Variants in PAPOLG observed in about 807,000 individuals in gnomAD.
PAPOLG encodes poly(A) polymerase gamma, also known as PAP-gamma.
In PAPOLG, 40 loss-of-function variants were observed where a neutral mutation model predicts 99.0. That is an observed-to-expected ratio of 0.40 (90% CI 0.31 to 0.53). PAPOLG has a LOEUF of 0.53. Among genes scored for constraint, PAPOLG ranks in the 20% least tolerant of loss-of-function variants. The probability of loss-of-function intolerance (pLI) is 0.41; values close to 1 mark genes in which losing one functional copy is unlikely to be tolerated. For synonymous variants in PAPOLG, 310 were observed against 299.3 expected (o/e 1.04, Z -0.37); for missense variants, 675 against 884.1 (o/e 0.76, Z 3.00).
chr2:60,778,837 G>A (rs1292891359), intron 8 of PAPOLG, among the ~76,000 whole-genome samples: 1 of 152,124 alleles, frequency 6.6e-6, no homozygotes, highest in Non-Finnish European at 1.5e-5. Flanking sequence ...TCAGTTAGAT[G>A]CATATTTTTC....
intron 8 of PAPOLG, among the ~76,000 whole-genome samples, chr2:60,776,493 TCTC>T (rs1671025852): frequency 6.9e-6 from 1 of 145,702 alleles, no homozygotes; most frequent in South Asian, 2.2e-4. Context: ...AGTGGCGCGA[TCTC>T]AGCTCACGGC....
At chr2:60,767,436 C>T (rs1399754596) in intron 3 of PAPOLG, among the ~76,000 whole-genome samples, 1 of 151,028 alleles carries the variant, frequency 6.6e-6, no homozygotes, top group Non-Finnish European at 1.5e-5. Flanking sequence ...TCCTCAGTAG[C>T]TGAGACTACA....
Position 60,756,300 on chromosome 2 carries a change from A to G in PAPOLG, c.-179A>G, listed in dbSNP as rs1023791761. ...TCGGCCGCGCTGTATTGTCATAAAT[A>G]GAGCCGGTTTTGTGGTGTTTTCACT... is the stretch of plus-strand genomic sequence containing the variant. On this transcript the variant is annotated 5_prime_UTR_variant, in exon 1 of 22. In the 5' UTR this introduces an upstream ATG that the reference lacks. Transcript: ENST00000238714. 4.3e-5 allele frequency: 32 copies of G among 737,510 alleles called. No homozygotes were observed. The highest frequency in any genetic ancestry group is 7.6e-5 in the Non-Finnish European group (32 of 423,438). 45.7% of individuals were successfully genotyped at this position (737,510 alleles called of 1,614,324 possible).
At chr2:60,773,253 A>G (rs1006792279) in intron 7 of PAPOLG, among the ~76,000 whole-genome samples, 19 of 152,130 alleles carry the variant, frequency 1.2e-4, no homozygotes, top group African/African-American at 3.9e-4. Context: ...ACTACAATCC[A>G]ATGTTAGAAT....
intron 3 of PAPOLG, among the ~76,000 whole-genome samples, chr2:60,767,218 T>A (rs1457212779): frequency 6.6e-6 from 1 of 152,194 alleles, no homozygotes; most frequent in Non-Finnish European, 1.5e-5. Flanking sequence ...ACTGTTATCA[T>A]TGGAAGAATT....
chr2:60,774,680 T>G (rs1670965484), intron 7 of PAPOLG, among the ~76,000 whole-genome samples: 2 of 152,184 alleles, frequency 1.3e-5, no homozygotes, highest in African/African-American at 4.8e-5. Context: ...ACCGAATCAT[T>G]ATTGCACTTT....
intron 21 of PAPOLG, 119 bp downstream of exon 21, chr2:60,795,139 C>A (rs1051658633): frequency 2.4e-6 from 2 of 826,988 alleles, no homozygotes; most frequent in African/African-American, 1.7e-5. Context: ...TTGTCCCTGT[C>A]CCCAAGGACT....
intron 4 of PAPOLG, 72 bp downstream of exon 4, chr2:60,768,623 G>T: frequency 7.1e-7 from 1 of 1,405,394 alleles, no homozygotes. Context: ...AAATGTAGGA[G>T]AACAAAGTTC....
intron 6 of PAPOLG, among the ~76,000 whole-genome samples, chr2:60,770,812 A>G (rs2103777863): frequency 6.6e-6 from 1 of 152,132 alleles, no homozygotes; most frequent in South Asian, 2.1e-4. Flanking sequence ...TTTAGTAGAG[A>G]CGGGGTTTCA....
intron 3 of PAPOLG, among the ~76,000 whole-genome samples, chr2:60,767,670 A>ATCATG (rs1670721458): frequency 6.6e-6 from 1 of 152,222 alleles, no homozygotes; most frequent in Non-Finnish European, 1.5e-5. Flanking sequence ...TCATAAGGAG[A>ATCATG]TCATGTCAGG....
At chr2:60,774,509 A>G (rs1429454408) in intron 7 of PAPOLG, among the ~76,000 whole-genome samples, 1 of 151,898 alleles carries the variant, frequency 6.6e-6, no homozygotes, top group Non-Finnish European at 1.5e-5. Flanking sequence ...GGGAATATAG[A>G]TGCCCACCAC....
At chr2:60,780,465 A>G (rs1671154756) in intron 9 of PAPOLG, among the ~76,000 whole-genome samples, 1 of 152,066 alleles carries the variant, frequency 6.6e-6, no homozygotes, top group South Asian at 2.1e-4. Context: ...TAGTAGAGAC[A>G]GGATTTCTCC....
intron 10 of PAPOLG, among the ~76,000 whole-genome samples, chr2:60,781,094 G>C (rs571475319): frequency 6.6e-6 from 1 of 152,184 alleles, no homozygotes; most frequent in Non-Finnish European, 1.5e-5. Context: ...GATGGTTCAC[G>C]CCTGTAATCC....
intron 17 of PAPOLG, 98 bp from the exon 18 acceptor site, chr2:60,793,529 A>G: frequency 7.1e-7 from 1 of 1,399,632 alleles, no homozygotes. Context: ...GTGCCACTGC[A>G]CTCCAACTTG....
chr2:60,780,496 G>C (rs1278901320), intron 9 of PAPOLG, among the ~76,000 whole-genome samples: 1 of 152,084 alleles, frequency 6.6e-6, no homozygotes, highest in African/African-American at 2.4e-5. Context: ...GGATGGTCTC[G>C]AACTCCTGAG....
chr2:60,782,533 G>C (rs1057109046), intron 11 of PAPOLG, 153 bp from the exon 12 acceptor site: 17 of 888,102 alleles, frequency 1.9e-5, no homozygotes, highest in Middle Eastern at 1.1e-3. Flanking sequence ...CTCCAGCCTG[G>C]GTGACAGAGT....
At chr2:60,760,406 AAG>A (rs1670489849) in intron 2 of PAPOLG, 111 bp downstream of exon 2, 1 of 1,073,650 alleles carries the variant, frequency 9.3e-7, no homozygotes, top group Non-Finnish European at 1.3e-6. Context: ...AAATGACAAA[AAG>A]AAAAATCTTG....
intron 1 of PAPOLG, among the ~76,000 whole-genome samples, chr2:60,759,135 G>T (rs1478916635): frequency 2.0e-5 from 3 of 152,162 alleles, no homozygotes; most frequent in Non-Finnish European, 4.4e-5. Flanking sequence ...GTGGGAGGCC[G>T]AGACTGTTGG....
intron 10 of PAPOLG, among the ~76,000 whole-genome samples, chr2:60,781,141 C>T (rs1010914021): frequency 2.0e-4 from 31 of 152,196 alleles, no homozygotes; most frequent in Non-Finnish European, 1.8e-4. Flanking sequence ...GGATCACCTG[C>T]GGTCAGGAGT....
Sources: allele counts gnomAD v4.1 joint callset (sites outside exome capture counted in the v4.1 genomes callset), GRCh38; gene constraint gnomAD v4.1.1; transcripts MANE v1.5; gene names NCBI Gene and HGNC (gene_info 2026-07-23, HGNC 2026-07-21).